Variants in TARS3 observed in about 807,000 individuals in gnomAD.
TARS3 encodes the protein threonine--tRNA ligase 2, cytoplasmic.
Under a neutral mutation model 103.5 loss-of-function variants are expected in TARS3, and 94 were observed. The observed-to-expected ratio is 0.91, with a 90% CI of 0.77 to 1.08. The LOEUF (loss-of-function observed/expected upper bound fraction) is 1.08, where lower values mean the gene tolerates loss of function less well. TARS3 is among the 50% of genes least tolerant of loss of function. TARS3 has a pLI of 0.00. For synonymous variants in TARS3, 416 were observed against 355.4 expected, an observed-to-expected ratio of 1.17 and a Z score of -1.92; for missense variants, 952 against 995.2, an observed-to-expected ratio of 0.96 and a Z score of 0.58.
At chr15:101,723,760 C>G (rs1217375915) in intron 1 of TARS3, among the ~76,000 whole-genome samples, 1 of 152,194 alleles carries the variant, frequency 6.6e-6, no homozygotes, top group Non-Finnish European at 1.5e-5. Flanking sequence ...TCTTTCTGAC[C>G]AAGGAAAGAA....
At chr15:101,724,045 G>GCCCGC in intron 1 of TARS3, 46 bp downstream of exon 1, 1 of 1,331,098 alleles carries the variant, frequency 7.5e-7, no homozygotes, top group Non-Finnish European at 9.6e-7. Context: ...CACCGTCTCG[G>GCCCGC]CCCGCCCCGC....
intron 15 of TARS3, among the ~76,000 whole-genome samples, chr15:101,670,960 A>G (rs907062227): frequency 6.6e-6 from 1 of 152,206 alleles, no homozygotes; most frequent in African/African-American, 2.4e-5. Context: ...TGGGGAGCTC[A>G]TTAACGGCAG....
intron 11 of TARS3, among the ~76,000 whole-genome samples, chr15:101,684,665 C>T (rs1206896137): frequency 6.6e-6 from 1 of 152,178 alleles, no homozygotes; most frequent in African/African-American, 2.4e-5. Flanking sequence ...CATGGCCCTG[C>T]CCACTCTGCT....
rs1395629192 is a variant in TARS3 at position 101,675,717 on chromosome 15, C to A, written c.1671G>T (p.Gly557=). 11 of 1,611,902 alleles carry A rather than the reference C, an allele frequency of 6.8e-6. No individual in the cohort carries two copies. The highest frequency in any genetic ancestry group is 9.3e-6 in the Non-Finnish European group (11 of 1,179,590). The change falls in exon 13 of 19, where the codon GGG becomes GGT. Residue 557 remains glycine, a synonymous_variant. Transcript: ENST00000335968. ...TVEQIEEEIK[G]CLQFLQSVYS... is the part of the protein sequence containing the mutation. ...AAACAGATTGCAAAAACTGCAAACACCCCTTTATTTCTTCTTCAATCTGAA... is the reference window on the plus strand; with the variant it reads ...AAACAGATTGCAAAAACTGCAAACAACCCTTTATTTCTTCTTCAATCTGAA...
At chr15:101,677,053 T>C (rs1242912668) in intron 12 of TARS3, among the ~76,000 whole-genome samples, 1 of 152,144 alleles carries the variant, frequency 6.6e-6, no homozygotes, top group Non-Finnish European at 1.5e-5. Context: ...AGTGAGAACA[T>C]ATGGAGTTTG....
At position 101,682,230 on chromosome 15, in the gene TARS3, TCTCA is replaced by T. The variant is rs1305134479; in HGVS notation, c.1650+1841_1650+1844del. 2.0e-5 allele frequency among the ~76,000 whole-genome samples: 3 copies of T among 152,324 alleles called. No individual in the cohort carries two copies. The East Asian group carries it at 5.8e-4, about 29-fold the overall frequency. On this transcript the variant is annotated intron_variant, in intron 12 of 18. Transcript: ENST00000335968. Reference sequence around the variant, plus strand: ...GATTTTAAGAGTAAAGCATTCAGACTCTCACTATTAAGTATGAGGTTAGCTGTAG... The same window carrying T: ...GATTTTAAGAGTAAAGCATTCAGACTCTATTAAGTATGAGGTTAGCTGTAG...
intron 17 of TARS3, among the ~76,000 whole-genome samples, chr15:101,657,560 TATG>T (rs1199675533): frequency 1.3e-5 from 2 of 152,204 alleles, no homozygotes; most frequent in East Asian, 3.8e-4. Context: ...AATGAATAAT[TATG>T]ATATGTTTTA....
rs977592597 is a variant in TARS3, at chr15:101,724,414, G to A, written c.-27C>T. ...GCGGCCTCCCTCAGGCACCGACGCC[G>A]AGCGGGGTGCCCGCGACTGCGGCGA... On this transcript the variant is annotated 5_prime_UTR_variant, in exon 1 of 19. Coordinates refer to ENST00000335968, the MANE Select transcript of TARS3 (RefSeq NM_152334.3). 7.2e-6 allele frequency: 10 copies of A among 1,381,374 alleles called. No homozygotes were observed. Among genetic ancestry groups the A allele is most frequent in the African/African-American group, 3.0e-5 (2 of 65,896 alleles). The allele number at this position is 1,381,374 out of a possible 1,614,324, so 85.6% of individuals were successfully genotyped here.
chr15:101,691,000 G>A (rs575061163), intron 10 of TARS3, among the ~76,000 whole-genome samples: 5 of 151,766 alleles, frequency 3.3e-5, no homozygotes, highest in South Asian at 4.2e-4. Context: ...GTGAAGTGGC[G>A]TGATCTCAGC....
At chr15:101,670,774 G>A (rs1897762955) in intron 15 of TARS3, among the ~76,000 whole-genome samples, 1 of 152,144 alleles carries the variant, frequency 6.6e-6, no homozygotes, top group African/African-American at 2.4e-5. Flanking sequence ...TTCAATGAGA[G>A]ATTGGATCCA....
At chr15:101,717,880 C>T (rs984872052) in intron 3 of TARS3, among the ~76,000 whole-genome samples, 5 of 152,140 alleles carry the variant, frequency 3.3e-5, no homozygotes, top group African/African-American at 1.2e-4. Context: ...TTAAGTAATA[C>T]AGAAATAAGG....
intron 5 of TARS3, among the ~76,000 whole-genome samples, chr15:101,710,758 T>G (rs909943270): frequency 6.6e-6 from 1 of 151,956 alleles, no homozygotes; most frequent in Non-Finnish European, 1.5e-5. Context: ...AAAGACAAAA[T>G]GCACCATAGT....
rs566002128 is a variant in TARS3, at chr15:101,655,781, C to T, written c.2261-1051G>A. On this transcript the variant is annotated intron_variant, in intron 18 of 18. Coordinates refer to ENST00000335968, the MANE Select transcript of TARS3 (RefSeq NM_152334.3). ...TGCAGATGAGAGTGGGGAGCTCTTACAGGCTCACACTGACCCCACCTGGCA... is the reference window on the plus strand; with the variant it reads ...TGCAGATGAGAGTGGGGAGCTCTTATAGGCTCACACTGACCCCACCTGGCA... 2.2e-4 allele frequency: 255 copies of T among 1,180,532 alleles called. 1 individual carries two copies. Among genetic ancestry groups the T allele is most frequent in the Admixed American group, 4.8e-4 (14 of 29,036 alleles). 73.1% of individuals were successfully genotyped at this position (1,180,532 alleles called of 1,614,324 possible).
chr15:101,671,273 C>A (rs546725037), intron 15 of TARS3, among the ~76,000 whole-genome samples: 1 of 152,254 alleles, frequency 6.6e-6, no homozygotes, highest in Admixed American at 6.5e-5. Flanking sequence ...TTGTTCATAT[C>A]TCTACTCTCA....
At chr15:101,665,365 A>C (rs1341984271) in intron 15 of TARS3, among the ~76,000 whole-genome samples, 4 of 152,222 alleles carry the variant, frequency 2.6e-5, no homozygotes, top group African/African-American at 9.6e-5. Context: ...CATGTGTAAC[A>C]ATATTTTTTG....
In TARS3 at chr15:101,654,427, C is replaced by T; in HGVS notation, c.*155G>A. On this transcript the variant is annotated 3_prime_UTR_variant, in exon 19 of 19. Transcript: ENST00000335968. Reference sequence around the variant, plus strand: ...GGACATGAGTAAATTAAACTTCGTGCATGTCAGCTACACGTTCATCGTCTC... The same window carrying T: ...GGACATGAGTAAATTAAACTTCGTGTATGTCAGCTACACGTTCATCGTCTC... 3 of 753,052 alleles carry T rather than the reference C, an allele frequency of 4.0e-6. No homozygotes were observed. The highest frequency in any genetic ancestry group is 4.7e-5 in the South Asian group (2 of 42,164). The allele number at this position is 753,052 out of a possible 1,614,324, so 46.6% of individuals were successfully genotyped here.
chr15:101,663,365 C>G (rs1897455961), intron 15 of TARS3, among the ~76,000 whole-genome samples: 1 of 152,192 alleles, frequency 6.6e-6, no homozygotes, highest in African/African-American at 2.4e-5. Context: ...CAGTAACATT[C>G]TGCACAGGTT....
At position 101,654,476 on chromosome 15, in the gene TARS3, G is replaced by T; in HGVS notation, c.*106C>A. 1.7e-6 allele frequency: 2 copies of T among 1,203,458 alleles called. No homozygotes were observed. The highest frequency in any genetic ancestry group is 2.3e-6 in the Non-Finnish European group (2 of 862,358). 74.5% of individuals were successfully genotyped at this position (1,203,458 alleles called of 1,614,324 possible). A position where few individuals can be genotyped will look rare whatever the true frequency, so the allele number is the denominator to read the frequency against. The stretch of plus-strand genomic sequence containing the variant: ...TCCTTTCTCAGCTGAGGCCATGAGT[G>T]GACCCATCAGTGGCTCCAAAGTCGT... On this transcript the variant is annotated 3_prime_UTR_variant, in exon 19 of 19. Coordinates refer to ENST00000335968, the MANE Select transcript of TARS3 (RefSeq NM_152334.3).
At chr15:101,674,426 G>C (rs1370469511) in intron 13 of TARS3, among the ~76,000 whole-genome samples, 1 of 152,200 alleles carries the variant, frequency 6.6e-6, no homozygotes, top group African/African-American at 2.4e-5. Flanking sequence ...TATCCATTGG[G>C]TAAGTTGTGA....
Sources: allele counts gnomAD v4.1 joint callset (sites outside exome capture counted in the v4.1 genomes callset), GRCh38; gene constraint gnomAD v4.1.1; transcripts MANE v1.5; gene names NCBI Gene and HGNC (gene_info 2026-07-23, HGNC 2026-07-21).